The following SFTPB variants were observed in gnomAD, a reference collection of about 807,000 sequenced individuals.
The protein encoded by SFTPB is pulmonary surfactant-associated protein B.
In SFTPB, 32 loss-of-function variants were observed where a neutral mutation model predicts 51.0. The ratio of observed to expected loss-of-function variants is 0.63; its 90% CI spans 0.47 to 0.84. The LOEUF is 0.84. Ranked by LOEUF, SFTPB falls within the 40% of genes least tolerant of loss-of-function variation. The pLI is 0.00. For missense variants in SFTPB, 431 were observed against 491.2 expected (o/e 0.88, Z 1.16); for synonymous variants, 211 against 208.5 (o/e 1.01, Z -0.10).
intron 4 of SFTPB, among the ~76,000 whole-genome samples, chr2:85,666,120 C>T (rs956878396): frequency 5.9e-5 from 9 of 151,540 alleles, no homozygotes; most frequent in East Asian, 1.9e-4. Flanking sequence ...GGCCCATGGT[C>T]GGGTGCATGG....
chr2:85,665,522 T>A (rs1400509626), intron 5 of SFTPB, 84 bp downstream of exon 5: 16 of 1,522,948 alleles, frequency 1.1e-5, no homozygotes, highest in Non-Finnish European at 3.6e-6. Context: ...GCTCTGCCTC[T>A]CCCAGGGCCC....
intron 6 of SFTPB, 110 bp from the exon 7 acceptor site, chr2:85,663,957 G>T: frequency 9.6e-7 from 1 of 1,043,402 alleles, no homozygotes. Context: ...TTCTCTTCTA[G>T]AAGGGAGGGC....
chr2:85,661,482 G>A lies in SFTPB; in HGVS notation c.1137C>T (p.Pro379=), dbSNP rs980850393. 26 of 1,611,350 alleles carry A rather than the reference G, an allele frequency of 1.6e-5. No individual in the cohort carries two copies. The East Asian group carries it at 3.6e-4, about 22-fold the overall frequency. Reference sequence around the variant, plus strand: ...GACAGCTGAGTTCTCATCAAAGGTCGGGGCTGTGGATACACTGGAGAGGGC... The same window carrying A: ...GACAGCTGAGTTCTCATCAAAGGTCAGGGCTGTGGATACACTGGAGAGGGC... ...MSSPLQCIHS[P]DL The change falls in exon 10 of 11, where the codon CCC becomes CCT. Residue 379 remains proline (P), a synonymous_variant. Transcript: ENST00000519937.
chr2:85,663,936 G>A (rs1250887226), intron 6 of SFTPB, 89 bp from the exon 7 acceptor site: 20 of 1,237,816 alleles, frequency 1.6e-5, no homozygotes, highest in Admixed American at 8.3e-5. Flanking sequence ...CACTTCCTAC[G>A]CATTCCCTCA....
chr2:85,659,659 T>G lies in SFTPB; in HGVS notation c.*43A>C, dbSNP rs1486418238. Reference sequence around the variant, plus strand: ...CTGGTCACCATGGTCCCAGAGCCCGTCTCACTTGGCTTTTCCTTTGCAGCT... The same window carrying G: ...CTGGTCACCATGGTCCCAGAGCCCGGCTCACTTGGCTTTTCCTTTGCAGCT... On this transcript the variant is annotated 3_prime_UTR_variant, in exon 11 of 11. Coordinates refer to ENST00000519937, the MANE Select transcript of SFTPB (RefSeq NM_000542.5). 6.6e-6 allele frequency: 1 copy of G among 152,550 alleles called. No homozygotes were observed. Among genetic ancestry groups the G allele is most frequent in the Non-Finnish European group, 1.5e-5 (1 of 68,320 alleles). The allele number at this position is 152,550 out of a possible 1,614,324, so 9.4% of individuals were successfully genotyped here. A position where few individuals can be genotyped will look rare whatever the true frequency, so the allele number is the denominator to read the frequency against.
In SFTPB at chr2:85,662,011, T is replaced by A; in HGVS notation, c.1083+18A>T. ...AGCCAAGGGAAGTCCTAGGACCAACTGGGAGGGGTGGGTGTACCTGGCAGG... is the reference window on the plus strand; with the variant it reads ...AGCCAAGGGAAGTCCTAGGACCAACAGGGAGGGGTGGGTGTACCTGGCAGG... On this transcript the variant is annotated intron_variant, in intron 9 of 10. Coordinates refer to ENST00000519937, the MANE Select transcript of SFTPB (RefSeq NM_000542.5). The A allele has an allele frequency of 6.3e-7, 1 of 1,587,174 alleles. No homozygotes were observed. Among genetic ancestry groups the A allele is most frequent in the Non-Finnish European group, 8.6e-7 (1 of 1,168,382 alleles).
At position 85,666,744 on chromosome 2, in the gene SFTPB, T is replaced by A; in HGVS notation, c.268-2A>T. ...CTCCAGGAACTTCCTCATCGTGTCC[T>A]GGGAGGCCAGAGGGGGCCGTCAGCT... On this transcript the variant is annotated splice_acceptor_variant, in intron 3 of 10. Coordinates refer to ENST00000519937, the MANE Select transcript of SFTPB (RefSeq NM_000542.5). LOFTEE classifies it high-confidence loss of function. 1 of 1,613,764 alleles carries A rather than the reference T, an allele frequency of 6.2e-7. No individual in the cohort carries two copies. The highest frequency in any genetic ancestry group is 8.5e-7 in the Non-Finnish European group (1 of 1,179,842).
intron 4 of SFTPB, among the ~76,000 whole-genome samples, chr2:85,666,250 T>TGG (rs1553381025): frequency 2.3e-5 from 3 of 130,050 alleles, no homozygotes; most frequent in African/African-American, 8.5e-5. Context: ...TGTGTGTGTG[T>TGG]CTGGCTGGCT....
chr2:85,662,195 A>C, intron 8 of SFTPB, 86 bp from the exon 9 acceptor site: 1 of 1,548,596 alleles, frequency 6.5e-7, no homozygotes, highest in Non-Finnish European at 8.7e-7. Flanking sequence ...TCTCTGGATC[A>C]CTCTAGGGCT....
chr2:85,663,527 G>T lies in SFTPB; in HGVS notation c.857-36C>A, dbSNP rs45520240. The T allele has an allele frequency of 9.8e-5, 158 of 1,611,818 alleles. No individual in the cohort carries two copies. The African/African-American group carries it at 1.6e-3, about 16-fold the overall frequency. On this transcript the variant is annotated intron_variant, in intron 7 of 10. Transcript: ENST00000519937. ...GAGCATTAGGGGGAAAGCAGGCAAGGCCACCCTACAGAGGTGTTTGGTTTC... is the reference window on the plus strand; with the variant it reads ...GAGCATTAGGGGGAAAGCAGGCAAGTCCACCCTACAGAGGTGTTTGGTTTC...
chr2:85,662,755 C>T (rs189340299), intron 8 of SFTPB, among the ~76,000 whole-genome samples: 7 of 149,874 alleles, frequency 4.7e-5, no homozygotes, highest in African/African-American at 9.9e-5. Flanking sequence ...GCAGGAGAAT[C>T]GCCTGAACCC....
intron 4 of SFTPB, 68 bp downstream of exon 4, chr2:85,666,549 G>GT: frequency 1.9e-6 from 3 of 1,549,176 alleles, no homozygotes; most frequent in East Asian, 2.3e-5. Flanking sequence ...CTGTGTGTGT[G>GT]GCTCCCCATG....
At chr2:85,665,260 T>TG (rs1379398444) in intron 6 of SFTPB, 29 bp downstream of exon 6, 1 of 1,534,338 alleles carries the variant, frequency 6.5e-7, no homozygotes, top group Non-Finnish European at 9.0e-7. Context: ...CGTGTGCTCC[T>TG]GGGCTCTGTG....
chr2:85,659,872 C>T lies in SFTPB; in HGVS notation c.*20-190G>A, dbSNP rs192818982. Among the ~76,000 whole-genome samples, 1,211 of 152,336 alleles carry T rather than the reference C, an allele frequency of 7.9e-3. 5 individuals carry two copies. Among genetic ancestry groups the T allele is most frequent in the Non-Finnish European group, 0.014 (927 of 68,014 alleles). On this transcript the variant is annotated intron_variant, in intron 10 of 10. Coordinates refer to ENST00000519937, the MANE Select transcript of SFTPB (RefSeq NM_000542.5). ...ACTGCCCGGGTCCTGGGTGACTCCC[C>T]ACCCCCAGATCCCCAGCTGTCATCA...
chr2:85,661,435 A>G lies in SFTPB; in HGVS notation c.*19+19T>C. 1 of 1,572,154 alleles carries G rather than the reference A, an allele frequency of 6.4e-7. No homozygotes were observed. Among genetic ancestry groups the G allele is most frequent in the Non-Finnish European group, 8.7e-7 (1 of 1,149,446 alleles). ...GGACCTGCCCCCTTACCTCCCCGCA[A>G]CTGGGGGCCTGGACTCACCTGGACA... On this transcript the variant is annotated intron_variant, in intron 10 of 10. Transcript: ENST00000519937.
rs1324741140 is a variant in SFTPB, at chr2:85,663,374, C to A, written c.974G>T (p.Cys325Phe). 1 of 1,613,412 alleles carries A rather than the reference C, an allele frequency of 6.2e-7. No individual in the cohort carries two copies. The highest frequency in any genetic ancestry group is 8.5e-7 in the Non-Finnish European group (1 of 1,180,048). Residue 325 changes from cysteine to phenylalanine, a missense_variant, in exon 8 of 11, where the codon TGT becomes TTT. Cys to Phe is a radical substitution (Grantham distance 205). Transcript: ENST00000519937. The stretch of plus-strand genomic sequence containing the variant: ...TTCCCTGTCCAGCCAGGAGCCAACA[C>A]AGGCCTGGAGCATTGCCTGTGGTAT... Reference protein sequence around the residue: ...QAIPQAMLQACVGSWLDREKC... With the variant: ...QAIPQAMLQAFVGSWLDREKC...
chr2:85,664,294 G>A (rs1042303364), intron 6 of SFTPB, among the ~76,000 whole-genome samples: 1 of 152,136 alleles, frequency 6.6e-6, no homozygotes, highest in Non-Finnish European at 1.5e-5. Context: ...ACAGAGGGCT[G>A]GTTGCTCTGG....
At chr2:85,660,064 G>C (rs1677208158) in intron 10 of SFTPB, among the ~76,000 whole-genome samples, 1 of 152,058 alleles carries the variant, frequency 6.6e-6, no homozygotes, top group Non-Finnish European at 1.5e-5. Context: ...GCTCCAGGAG[G>C]GCAGGGCTCA....
chr2:85,664,828 C>T (rs34146574), intron 6 of SFTPB, among the ~76,000 whole-genome samples: 65 of 152,326 alleles, frequency 4.3e-4, no homozygotes, highest in Non-Finnish European at 8.5e-4. Context: ...CAAGGTAGCC[C>T]TGGGCTGGCG....
Sources: gnomAD v4.1 joint callset for allele counts (sites outside exome capture counted in the v4.1 genomes callset) on GRCh38, gnomAD v4.1.1 for gene constraint, MANE v1.5 for transcripts, NCBI Gene and HGNC (gene_info 2026-07-23, HGNC 2026-07-21) for gene names.